The following TMEM181 variants were observed in gnomAD, a reference collection of about 807,000 sequenced individuals.
TMEM181 encodes the protein G protein-coupled receptor 178.
A neutral mutation model predicts 71.9 loss-of-function variants in TMEM181; 39 were observed. The ratio of observed to expected loss-of-function variants is 0.54; its 90% CI spans 0.42 to 0.71. The LOEUF (loss-of-function observed/expected upper bound fraction) is 0.71, where lower values mean the gene tolerates loss of function less well. Among genes scored for constraint, TMEM181 ranks in the 30% least tolerant of loss-of-function variants. TMEM181 has a pLI of 0.00. For synonymous variants in TMEM181, 245 were observed against 228.8 expected (o/e 1.07, Z -0.64); for missense variants, 595 against 583.0 (o/e 1.02, Z -0.21).
At chr6:158,586,638 T>C (rs557077484) in intron 5 of TMEM181, among the ~76,000 whole-genome samples, 9 of 152,260 alleles carry the variant, frequency 5.9e-5, no homozygotes, top group Admixed American at 3.3e-4. Flanking sequence ...ATACTGGCAC[T>C]GTTTTTCCTA....
upstream of TMEM181, among the ~76,000 whole-genome samples, chr6:158,559,035 G>A (rs1011691156): frequency 1.9e-4 from 29 of 152,180 alleles, no homozygotes; most frequent in African/African-American, 6.5e-4. Flanking sequence ...TTAGGATTCA[G>A]AGCACTAATG....
At chr6:158,604,335 C>CGT (rs35523450) in intron 6 of TMEM181, among the ~76,000 whole-genome samples, 78 of 151,248 alleles carry the variant, frequency 5.2e-4, no homozygotes, top group East Asian at 1.6e-3. Flanking sequence ...TGCGTGCATG[C>CGT]GTGTGTGTGT....
chr6:158,558,236 T>A (rs1349437929), upstream of TMEM181, among the ~76,000 whole-genome samples: 1 of 152,192 alleles, frequency 6.6e-6, no homozygotes, highest in African/African-American at 2.4e-5. Flanking sequence ...TTCCACATCA[T>A]CTCATGCTGC....
intron 13 of TMEM181, chr6:158,626,753 C>T: frequency 6.8e-6 from 3 of 441,818 alleles, no homozygotes; most frequent in South Asian, 3.1e-5. Context: ...GCCATACAAC[C>T]TCACAACCTC....
chr6:158,556,399 GCTCT>G (rs879910030), upstream of TMEM181, among the ~76,000 whole-genome samples: 2 of 152,142 alleles, frequency 1.3e-5, no homozygotes, highest in African/African-American at 2.4e-5. Context: ...AAACAAAGAG[GCTCT>G]CTAAAAGAAA....
chr6:158,626,160 T>C (rs758011591), intron 13 of TMEM181, among the ~76,000 whole-genome samples: 3 of 152,030 alleles, frequency 2.0e-5, no homozygotes, highest in Non-Finnish European at 4.4e-5. Context: ...ATTGCTGCCA[T>C]TGGGGGAGAT....
At chr6:158,581,619 TG>T (rs559249550) in intron 3 of TMEM181, among the ~76,000 whole-genome samples, 1 of 150,740 alleles carries the variant, frequency 6.6e-6, no homozygotes. Flanking sequence ...CTGGGCGTGG[TG>T]GGGGGGCGCC....
chr6:158,604,151 C>G (rs1784814322), intron 6 of TMEM181, among the ~76,000 whole-genome samples: 1 of 152,224 alleles, frequency 6.6e-6, no homozygotes, highest in Non-Finnish European at 1.5e-5. Flanking sequence ...TTCCAGCACT[C>G]TGTCCTGTGG....
intron 1 of TMEM181, among the ~76,000 whole-genome samples, chr6:158,549,401 A>T (rs1318010454): frequency 6.6e-6 from 1 of 152,170 alleles, no homozygotes; most frequent in African/African-American, 2.4e-5. Flanking sequence ...GGTGTGAGCC[A>T]CTGTGCCTGG....
upstream of TMEM181, among the ~76,000 whole-genome samples, chr6:158,559,594 A>G (rs1782036114): frequency 1.3e-5 from 2 of 152,230 alleles, no homozygotes. Flanking sequence ...TGCAGTCTAG[A>G]AGCGGCTTGC....
rs1418884562 is a variant in TMEM181, at chr6:158,632,239, C to T, written c.*351C>T. The T allele has an allele frequency of 1.2e-5, 3 of 250,124 alleles. No homozygotes were observed. Among genetic ancestry groups the T allele is most frequent in the Non-Finnish European group, 2.4e-5 (3 of 124,690 alleles). The allele number at this position is 250,124 out of a possible 1,614,324, so 15.5% of individuals were successfully genotyped here. On this transcript the variant is annotated 3_prime_UTR_variant, in exon 17 of 17. Transcript: ENST00000684151. The stretch of plus-strand genomic sequence containing the variant: ...TAATCATTCACTGATTCCAAGTTCA[C>T]GGGCAGCCTGTGACTAGGTCCTCAG...
At chr6:158,540,414 A>G (rs962408542) in intron 1 of TMEM181, among the ~76,000 whole-genome samples, 4 of 152,222 alleles carry the variant, frequency 2.6e-5, no homozygotes, top group African/African-American at 9.7e-5. Flanking sequence ...AAGACGTACT[A>G]AAAAGTGTTC....
At position 158,634,499 on chromosome 6, in the gene TMEM181, G is replaced by A. The variant is rs971986664; in HGVS notation, c.*2611G>A. On this transcript the variant is annotated 3_prime_UTR_variant, in exon 17 of 17. Coordinates refer to ENST00000684151, the MANE Select transcript of TMEM181 (RefSeq NM_001376852.1). ...CATCTTTGGGATTTTTTAAATACTG[G>A]TCCAGTCTAGGAGAACCTGGAAGAT... The A allele has an allele frequency of 2.0e-5, 3 of 152,098 alleles. No individual in the cohort carries two copies. Among genetic ancestry groups the A allele is most frequent in the Non-Finnish European group, 2.9e-5 (2 of 68,018 alleles). The allele number at this position is 152,098 out of a possible 1,614,324, so 9.4% of individuals were successfully genotyped here.
chr6:158,572,525 G>A (rs1204843625), intron 1 of TMEM181: 6 of 455,754 alleles, frequency 1.3e-5, no homozygotes, highest in Admixed American at 2.4e-5. Flanking sequence ...CCCTTTTGTC[G>A]ATGGTTTGAC....
chr6:158,562,744 G>A (rs76988394), intron 1 of TMEM181, among the ~76,000 whole-genome samples: 3,045 of 152,104 alleles, frequency 0.02, 100 homozygotes, highest in African/African-American at 0.069. Context: ...CTCATGGAAT[G>A]GTTTTTTGTT....
intron 1 of TMEM181, among the ~76,000 whole-genome samples, chr6:158,537,697 G>T (rs1194140680): frequency 2.0e-5 from 3 of 152,204 alleles, no homozygotes; most frequent in African/African-American, 7.2e-5. Context: ...TGTTAAATGG[G>T]AAGTCTGAAC....
At chr6:158,605,131 A>AAG in intron 6 of TMEM181, 136 bp from the exon 7 acceptor site, 1 of 159,680 alleles carries the variant, frequency 6.3e-6, no homozygotes, top group Non-Finnish European at 1.2e-5. Flanking sequence ...AAAAAAAAAA[A>AAG]GTGTGTGTGT....
chr6:158,620,156 AG>A lies in TMEM181; in HGVS notation c.897-3393del, dbSNP rs1260141452. On this transcript the variant is annotated intron_variant, in intron 10 of 16. Transcript: ENST00000684151. This position sits in a 1 kb window ranked among gnomAD's most constrained non-coding sequence, Gnocchi z 4.5. ...GGCGAGGTTGTGAAGGAGACAGCCC[AG>A]AGGGGAGGCGTGGGAATGTGGGATG... Among the ~76,000 whole-genome samples, 1 of 152,170 alleles carries A rather than the reference AG, an allele frequency of 6.6e-6. No individual in the cohort carries two copies. Among genetic ancestry groups the A allele is most frequent in the Non-Finnish European group, 1.5e-5 (1 of 68,016 alleles).
chr6:158,615,097 C>T (rs1042363157), intron 10 of TMEM181, among the ~76,000 whole-genome samples: 2 of 152,336 alleles, frequency 1.3e-5, no homozygotes, highest in East Asian at 3.9e-4. Context: ...AGTTTACACT[C>T]CCACCAACAG....
Sources: gnomAD v4.1 joint callset for allele counts (sites outside exome capture counted in the v4.1 genomes callset) on GRCh38, gnomAD v4.1.1 for gene constraint, Gnocchi (gnomAD v3.1) non-coding constraint, MANE v1.5 for transcripts, NCBI Gene and HGNC (gene_info 2026-07-23, HGNC 2026-07-21) for gene names.